The following RASGRF2 variants were observed in gnomAD, a reference collection of about 807,000 sequenced individuals.
The protein encoded by RASGRF2 is Ras protein specific guanine nucleotide releasing factor 2, also known as ras-specific guanine nucleotide-releasing factor 2.
RASGRF2 carries 76 observed loss-of-function variants against 151.0 expected under a neutral mutation model. The ratio of observed to expected loss-of-function variants is 0.50; its 90% CI spans 0.42 to 0.61. The LOEUF is 0.61. Ranked by LOEUF, RASGRF2 falls within the 20% of genes least tolerant of loss-of-function variation. The pLI is 0.00. For missense variants in RASGRF2, 1,148 were observed against 1,564.6 expected, an observed-to-expected ratio of 0.73 and a Z score of 4.49; for synonymous variants, 504 against 566.5, an observed-to-expected ratio of 0.89 and a Z score of 1.57.
At chr5:81,209,850 C>G (rs1027101835) in intron 22 of RASGRF2, among the ~76,000 whole-genome samples, 23 of 152,198 alleles carry the variant, frequency 1.5e-4, no homozygotes, top group Admixed American at 1.0e-3. Flanking sequence ...GCCAAGCCTG[C>G]TTCTTCATTG....
intron 12 of RASGRF2, among the ~76,000 whole-genome samples, chr5:81,102,856 G>A (rs947058009): frequency 1.3e-5 from 2 of 152,124 alleles, no homozygotes; most frequent in African/African-American, 4.8e-5. Context: ...CACTCCATTA[G>A]CAACACTTCT....
intron 1 of RASGRF2, among the ~76,000 whole-genome samples, chr5:81,029,623 C>A (rs1750165151): frequency 6.6e-6 from 1 of 152,138 alleles, no homozygotes; most frequent in Non-Finnish European, 1.5e-5. Flanking sequence ...ACAGAAAGGA[C>A]ACCCACACCA....
chr5:81,171,956 G>A (rs965843619), intron 17 of RASGRF2, among the ~76,000 whole-genome samples: 8 of 152,196 alleles, frequency 5.3e-5, no homozygotes, highest in African/African-American at 1.9e-4. Flanking sequence ...AGCAGCGATG[G>A]GAGGGCTGAT....
intron 26 of RASGRF2, among the ~76,000 whole-genome samples, chr5:81,222,291 C>T (rs1755872629): frequency 6.6e-6 from 1 of 152,120 alleles, no homozygotes; most frequent in Non-Finnish European, 1.5e-5. Context: ...TGAATCATTC[C>T]AGCCCTCTCC....
At chr5:81,038,795 C>T (rs967837780) in intron 1 of RASGRF2, among the ~76,000 whole-genome samples, 8 of 151,976 alleles carry the variant, frequency 5.3e-5, no homozygotes, top group African/African-American at 1.9e-4. Context: ...AGGCTGGTCT[C>T]AAGCTCCTGG....
In RASGRF2 at chr5:81,207,202, C is replaced by T. The variant is rs373643650; in HGVS notation, c.2968-44C>T. 49 of 1,510,130 alleles carry T rather than the reference C, an allele frequency of 3.2e-5. No homozygotes were observed. The East Asian group carries it at 3.4e-4, about 10-fold the overall frequency. 93.5% of individuals were successfully genotyped at this position (1,510,130 alleles called of 1,614,324 possible). On this transcript the variant is annotated intron_variant, in intron 20 of 26. Coordinates refer to ENST00000265080, the MANE Select transcript of RASGRF2 (RefSeq NM_006909.3). The stretch of plus-strand genomic sequence containing the variant: ...CACTGACCTGCAATGAGATGGCAGG[C>T]GCCCTCTCCTGGGTGTTTCATTTCC...
At chr5:81,048,767 A>T (rs926691561) in intron 2 of RASGRF2, among the ~76,000 whole-genome samples, 1 of 152,154 alleles carries the variant, frequency 6.6e-6, no homozygotes, top group African/African-American at 2.4e-5. Context: ...TTCTTGCTCC[A>T]TTACTTATTC....
At chr5:80,982,822 G>A (rs868866842) in intron 1 of RASGRF2, among the ~76,000 whole-genome samples, 5 of 151,908 alleles carry the variant, frequency 3.3e-5, no homozygotes, top group South Asian at 2.1e-4. Flanking sequence ...GGATGGTCTC[G>A]ATCTCCTGAC....
chr5:81,132,235 G>C lies in RASGRF2; in HGVS notation c.2686+5072G>C, dbSNP rs1431319529. On this transcript the variant is annotated intron_variant, in intron 17 of 26. Coordinates refer to ENST00000265080, the MANE Select transcript of RASGRF2 (RefSeq NM_006909.3). ...GAATAGTATTGTATATGTAGTAAATGATCCATAAATGCTTACCGAATTAAT... is the reference window on the plus strand; with the variant it reads ...GAATAGTATTGTATATGTAGTAAATCATCCATAAATGCTTACCGAATTAAT... Among the ~76,000 whole-genome samples, 3 of 152,130 alleles carry C rather than the reference G, an allele frequency of 2.0e-5. No homozygotes were observed. In the East Asian group the frequency reaches 5.8e-4, roughly 29 times the overall value.
At chr5:81,063,582 CT>C (rs1288097390) in intron 2 of RASGRF2, among the ~76,000 whole-genome samples, 1 of 152,050 alleles carries the variant, frequency 6.6e-6, no homozygotes, top group Non-Finnish European at 1.5e-5. Context: ...TGCAGTGTAA[CT>C]TTTTTCCTTT....
At chr5:81,019,253 G>A (rs182597824) in intron 1 of RASGRF2, among the ~76,000 whole-genome samples, 13 of 152,312 alleles carry the variant, frequency 8.5e-5, no homozygotes, top group Non-Finnish European at 1.6e-4. Context: ...AGGCTGGACC[G>A]CAAGGCAGGT....
rs200537021 is a variant in RASGRF2, at chr5:81,005,382, GCACT to G, written c.289-37490_289-37487del. Among the ~76,000 whole-genome samples, 629 of 152,174 alleles carry G rather than the reference GCACT, an allele frequency of 4.1e-3. 1 individual carries two copies. The highest frequency in any genetic ancestry group is 0.014 in the South Asian group (69 of 4,806). On this transcript the variant is annotated intron_variant, in intron 1 of 26. Transcript: ENST00000265080. Reference sequence around the variant, plus strand: ...TAAAACCGTCGGATCTCGTGAGAACGCACTCACTATCACGAGGACAGCTTGAGGG... The same window carrying G: ...TAAAACCGTCGGATCTCGTGAGAACGCACTATCACGAGGACAGCTTGAGGG...
At chr5:81,029,057 C>T (rs1317982021) in intron 1 of RASGRF2, among the ~76,000 whole-genome samples, 1 of 152,218 alleles carries the variant, frequency 6.6e-6, no homozygotes, top group Admixed American at 6.5e-5. Flanking sequence ...ACTGCTAGCA[C>T]AGCAGCCTGA....
At chr5:81,073,480 A>C (rs373124967) in intron 5 of RASGRF2, 28 bp downstream of exon 5, 22 of 1,590,140 alleles carry the variant, frequency 1.4e-5, no homozygotes, top group African/African-American at 2.7e-5. Context: ...TCAAAGAGTT[A>C]TGAGAAAAAC....
intron 1 of RASGRF2, among the ~76,000 whole-genome samples, chr5:80,983,814 G>A (rs1450445064): frequency 6.6e-6 from 1 of 152,126 alleles, no homozygotes; most frequent in African/African-American, 2.4e-5. Flanking sequence ...ATTACATGTT[G>A]AATGAATATT....
intron 2 of RASGRF2, among the ~76,000 whole-genome samples, chr5:81,058,163 T>C (rs1030516318): frequency 1.3e-5 from 2 of 152,172 alleles, no homozygotes; most frequent in Non-Finnish European, 2.9e-5. Flanking sequence ...AATTTTGAGT[T>C]ATGCTTTCAC....
intron 1 of RASGRF2, among the ~76,000 whole-genome samples, chr5:81,024,666 A>G (rs1031374170): frequency 3.9e-5 from 6 of 152,172 alleles, no homozygotes; most frequent in Admixed American, 3.9e-4. Flanking sequence ...GGACAACTGG[A>G]AGAACTCTGT....
At chr5:81,146,925 T>A (rs1322805198) in intron 17 of RASGRF2, among the ~76,000 whole-genome samples, 4 of 152,178 alleles carry the variant, frequency 2.6e-5, no homozygotes, top group Non-Finnish European at 5.9e-5. Context: ...TCTTTCTGTG[T>A]ACACACAGTA....
chr5:80,961,840 T>C (rs1453485855), intron 1 of RASGRF2, among the ~76,000 whole-genome samples: 1 of 152,332 alleles, frequency 6.6e-6, no homozygotes, highest in East Asian at 1.9e-4. Context: ...CAGCCCCTCA[T>C]TCCTGCAAAC....
Sources: allele counts gnomAD v4.1 joint callset (sites outside exome capture counted in the v4.1 genomes callset), GRCh38; gene constraint gnomAD v4.1.1; transcripts MANE v1.5; gene names NCBI Gene and HGNC (gene_info 2026-07-23, HGNC 2026-07-21).